EYS: variants seen among roughly 807,000 people sequenced by gnomAD.
The protein encoded by EYS is protein eyes shut homolog.
EYS carries 250 observed loss-of-function variants against 282.1 expected under a neutral mutation model. The ratio of observed to expected loss-of-function variants is 0.89; its 90% CI spans 0.80 to 0.98. EYS has a LOEUF of 0.98. EYS is among the 50% of genes least tolerant of loss of function. The pLI is 0.00. For missense variants in EYS, 4,016 were observed against 3,709.0 expected (o/e 1.08, Z -2.15); for synonymous variants, 1,355 against 1,282.9 (o/e 1.06, Z -1.20).
At chr6:65,146,972 C>T (rs994682679) in intron 12 of EYS, among the ~76,000 whole-genome samples, 1 of 151,888 alleles carries the variant, frequency 6.6e-6, no homozygotes, top group African/African-American at 2.4e-5. Context: ...TCATTGTGTC[C>T]TGTAAGCTTT....
intron 2 of EYS, among the ~76,000 whole-genome samples, chr6:65,564,873 A>C (rs1769213114): frequency 6.6e-6 from 1 of 152,006 alleles, no homozygotes; most frequent in East Asian, 1.9e-4. Flanking sequence ...TTCTCAATCT[A>C]TCCATCTGAC....
At chr6:65,061,973 G>A (rs1385189025) in intron 12 of EYS, among the ~76,000 whole-genome samples, 2 of 151,732 alleles carry the variant, frequency 1.3e-5, no homozygotes, top group Non-Finnish European at 2.9e-5. Context: ...TTTGCTTCCT[G>A]TTTTCTCCTG....
At chr6:64,809,025 C>T (rs968196410) in intron 22 of EYS, among the ~76,000 whole-genome samples, 1 of 152,040 alleles carries the variant, frequency 6.6e-6, no homozygotes, top group African/African-American at 2.4e-5. Flanking sequence ...ATGGATGTTC[C>T]TGTGCATTAA....
chr6:64,804,961 A>G (rs1764381601), intron 22 of EYS, among the ~76,000 whole-genome samples: 1 of 152,064 alleles, frequency 6.6e-6, no homozygotes, highest in African/African-American at 2.4e-5. Flanking sequence ...TGATTTCTCA[A>G]TTTTCAAATT....
At chr6:65,428,769 A>C (rs1278219891) in intron 5 of EYS, among the ~76,000 whole-genome samples, 1 of 152,224 alleles carries the variant, frequency 6.6e-6, no homozygotes, top group African/African-American at 2.4e-5. Context: ...ATATAATGTA[A>C]GTTGGATCAA....
chr6:64,608,354 G>T (rs867938445), intron 24 of EYS, among the ~76,000 whole-genome samples: 7 of 152,012 alleles, frequency 4.6e-5, no homozygotes, highest in African/African-American at 1.7e-4. Context: ...GAAGAGGAAG[G>T]GAGGTGAGAG....
intron 7 of EYS, among the ~76,000 whole-genome samples, chr6:65,391,280 T>C (rs1466846108): frequency 6.6e-6 from 1 of 152,150 alleles, no homozygotes; most frequent in Non-Finnish European, 1.5e-5. Flanking sequence ...AAGCTACTCT[T>C]GATGAGAAAA....
At chr6:65,058,237 G>A (rs1172676030) in intron 12 of EYS, among the ~76,000 whole-genome samples, 3 of 151,982 alleles carry the variant, frequency 2.0e-5, no homozygotes, top group Non-Finnish European at 2.9e-5. Flanking sequence ...TGCAACCTCT[G>A]CCTCCCGGGT....
chr6:63,841,721 T>A (rs1419936971), intron 36 of EYS, among the ~76,000 whole-genome samples: 6 of 152,114 alleles, frequency 3.9e-5, no homozygotes, highest in Admixed American at 3.9e-4. Flanking sequence ...CAACCCATCA[T>A]CTATATTAGG....
At chr6:64,175,490 G>A (rs958267794) in intron 31 of EYS, among the ~76,000 whole-genome samples, 2 of 152,172 alleles carry the variant, frequency 1.3e-5, no homozygotes, top group African/African-American at 4.8e-5. Context: ...ACTGCTTCGT[G>A]AGAGCGTACG....
chr6:65,237,871 A>C (rs754291387), intron 12 of EYS, among the ~76,000 whole-genome samples: 3 of 152,156 alleles, frequency 2.0e-5, no homozygotes, highest in Non-Finnish European at 2.9e-5. Context: ...TGGTAAAAGA[A>C]TGAACATTTA....
At chr6:64,872,030 T>A (rs184105568) in intron 19 of EYS, among the ~76,000 whole-genome samples, 12 of 152,142 alleles carry the variant, frequency 7.9e-5, no homozygotes, top group African/African-American at 2.9e-4. Context: ...AGTGGATATA[T>A]TAAAGATGGA....
At chr6:65,562,000 A>T (rs1422956383) in intron 2 of EYS, among the ~76,000 whole-genome samples, 3 of 151,296 alleles carry the variant, frequency 2.0e-5, no homozygotes, top group Non-Finnish European at 4.4e-5. Context: ...TCATTGTAAA[A>T]TTTTTTGTAT....
In EYS at chr6:65,239,970, TG is replaced by T. The variant is rs779769089; in HGVS notation, c.2023+55892del. ...CCATGTATTTGTAGCATATATATTT[TG>T]ATTTTTTTTTTTTTTGAGACAGAGT... On this transcript the variant is annotated intron_variant, in intron 12 of 42. Coordinates refer to ENST00000503581, the MANE Select transcript of EYS (RefSeq NM_001142800.2). Among the ~76,000 whole-genome samples the T allele has an allele frequency of 3.6e-3, 481 of 132,640 alleles. 3 individuals carry two copies. Among genetic ancestry groups the T allele is most frequent in the Admixed American group, 7.5e-3 (104 of 13,954 alleles). 87.0% of individuals were successfully genotyped at this position (132,640 alleles called of 152,430 possible).
chr6:64,025,337 C>G (rs991293183), intron 33 of EYS, among the ~76,000 whole-genome samples: 52 of 152,110 alleles, frequency 3.4e-4, no homozygotes, highest in Non-Finnish European at 5.4e-4. Flanking sequence ...GAGGTCCCAA[C>G]AACAAGTTGG....
At chr6:64,180,637 C>G (rs1269353675) in intron 31 of EYS, among the ~76,000 whole-genome samples, 1 of 151,994 alleles carries the variant, frequency 6.6e-6, no homozygotes, top group Non-Finnish European at 1.5e-5. Context: ...TCTATGTTTA[C>G]CCAGTGTTTA....
rs1382166659 is a variant in EYS, at chr6:64,997,516, T to C, written c.2259+66A>G. 3.5e-6 allele frequency: 5 copies of C among 1,442,996 alleles called. No individual in the cohort carries two copies. The African/African-American group carries it at 7.1e-5, about 20-fold the overall frequency. The allele number at this position is 1,442,996 out of a possible 1,614,324, so 89.4% of individuals were successfully genotyped here. A position where few individuals can be genotyped will look rare whatever the true frequency, so the allele number is the denominator to read the frequency against. ...AACACACAGGCAAAAACTCACTCTA[T>C]TTGTACATAGGTGTTAAATTATATT... On this transcript the variant is annotated intron_variant, in intron 14 of 42. Coordinates refer to ENST00000503581, the MANE Select transcript of EYS (RefSeq NM_001142800.2).
At chr6:64,194,481 T>C (rs1402536675) in intron 31 of EYS, among the ~76,000 whole-genome samples, 1 of 152,164 alleles carries the variant, frequency 6.6e-6, no homozygotes, top group Non-Finnish European at 1.5e-5. Context: ...CTAAATATAT[T>C]TTTTGTTGTA....
intron 2 of EYS, among the ~76,000 whole-genome samples, chr6:65,558,188 C>T (rs1013690653): frequency 6.6e-6 from 1 of 152,234 alleles, no homozygotes; most frequent in Non-Finnish European, 1.5e-5. Flanking sequence ...CCCAGGCTGT[C>T]TGTGCCAAGG....
Sources: allele counts gnomAD v4.1 joint callset (sites outside exome capture counted in the v4.1 genomes callset), GRCh38; gene constraint gnomAD v4.1.1; transcripts MANE v1.5; gene names NCBI Gene and HGNC (gene_info 2026-07-23, HGNC 2026-07-21).